The following AGBL1 variants were observed in gnomAD, a reference collection of about 807,000 sequenced individuals.
AGBL1 encodes the protein AGBL carboxypeptidase 1.
A neutral mutation model predicts 118.9 loss-of-function variants in AGBL1; 130 were observed. The observed-to-expected ratio is 1.09, with a 90% CI of 0.95 to 1.26. The LOEUF is 1.26. Ranked by LOEUF, AGBL1 falls within the 50% of genes most tolerant of loss-of-function variation. The pLI is 0.00. For synonymous variants in AGBL1, 555 were observed against 478.9 expected (o/e 1.16, Z -2.08); for missense variants, 1,584 against 1,298.1 (o/e 1.22, Z -3.38).
chr15:86,547,174 T>C (rs1213285260), intron 20 of AGBL1, among the ~76,000 whole-genome samples: 2 of 152,140 alleles, frequency 1.3e-5, no homozygotes, highest in African/African-American at 4.8e-5. Context: ...AGAGTAATGG[T>C]GATAAACCAT....
intron 16 of AGBL1, among the ~76,000 whole-genome samples, chr15:86,281,831 A>G (rs1321811854): frequency 6.6e-6 from 1 of 152,190 alleles, no homozygotes; most frequent in African/African-American, 2.4e-5. Flanking sequence ...CAGTCGTTTT[A>G]TGAGTCCATG....
At chr15:86,962,991 C>T (rs2081008988) in intron 23 of AGBL1, among the ~76,000 whole-genome samples, 1 of 152,072 alleles carries the variant, frequency 6.6e-6, no homozygotes, top group South Asian at 2.1e-4. Context: ...TTGCACTTAT[C>T]TTTTAAAACG....
At chr15:86,403,107 C>T (rs1227548875) in intron 18 of AGBL1, among the ~76,000 whole-genome samples, 1 of 152,082 alleles carries the variant, frequency 6.6e-6, no homozygotes, top group Non-Finnish European at 1.5e-5. Flanking sequence ...GGGGAGAAGA[C>T]AGGTGATTCC....
intron 18 of AGBL1, among the ~76,000 whole-genome samples, chr15:86,487,707 G>T (rs777499724): frequency 1.3e-5 from 2 of 151,972 alleles, no homozygotes; most frequent in Non-Finnish European, 2.9e-5. Flanking sequence ...GGAATCAACT[G>T]CATGATTAAT....
rs756003611 is a variant in AGBL1 at position 86,522,800 on chromosome 15, G to T, written c.2556-10G>T. ...ATGTGTATTTATTTGCTTATTATTT[G>T]TTCCTGTAGCCACAGATGCTCACTG... On this transcript the variant is annotated splice_polypyrimidine_tract_variant and intron_variant, in intron 18 of 22. Transcript: ENST00000614907. The T allele has an allele frequency of 7.9e-5, 127 of 1,612,372 alleles. No homozygotes were observed. The highest frequency in any genetic ancestry group is 9.9e-5 in the Non-Finnish European group (117 of 1,178,958).
chr15:86,105,860 C>A (rs12912576), intron 1 of AGBL1, among the ~76,000 whole-genome samples: 1 of 152,150 alleles, frequency 6.6e-6, no homozygotes, highest in South Asian at 2.1e-4. Flanking sequence ...GTCTGTGAAA[C>A]TGAGTTAGTT....
chr15:86,287,450 TC>T (rs2079472310), intron 16 of AGBL1, among the ~76,000 whole-genome samples: 1 of 152,182 alleles, frequency 6.6e-6, no homozygotes, highest in Non-Finnish European at 1.5e-5. Context: ...TGAAGGTTTT[TC>T]CTTATGTTTT....
intron 18 of AGBL1, among the ~76,000 whole-genome samples, chr15:86,461,015 T>C (rs967465264): frequency 6.6e-6 from 1 of 152,218 alleles, no homozygotes; most frequent in Non-Finnish European, 1.5e-5. Context: ...GATATGATCT[T>C]ATTTTCTTCT....
chr15:86,531,985 C>A (rs946988367), intron 19 of AGBL1, among the ~76,000 whole-genome samples: 4 of 151,542 alleles, frequency 2.6e-5, no homozygotes, highest in Non-Finnish European at 5.9e-5. Flanking sequence ...CTATCTATGA[C>A]AAACCCACAG....
intron 18 of AGBL1, among the ~76,000 whole-genome samples, chr15:86,419,286 G>A (rs2081750525): frequency 6.6e-6 from 1 of 152,070 alleles, no homozygotes; most frequent in Non-Finnish European, 1.5e-5. Flanking sequence ...CATTGGGACT[G>A]GTTAGAAAGT....
chr15:86,655,623 G>A (rs1296498217), intron 21 of AGBL1, among the ~76,000 whole-genome samples: 1 of 152,044 alleles, frequency 6.6e-6, no homozygotes, highest in Non-Finnish European at 1.5e-5. Flanking sequence ...CATATATGTT[G>A]ACAAAAAGAA....
chr15:86,916,598 G>T (rs1186259641), downstream of AGBL1, among the ~76,000 whole-genome samples: 1 of 152,228 alleles, frequency 6.6e-6, no homozygotes, highest in Non-Finnish European at 1.5e-5. Context: ...CAGAAGTTGA[G>T]AGTCCAAGGT....
In AGBL1 at chr15:86,688,492, C is replaced by A. The variant is rs868664128; in HGVS notation, c.3158+14056C>A. Among the ~76,000 whole-genome samples, 11 of 152,188 alleles carry A rather than the reference C, an allele frequency of 7.2e-5. 1 individual carries two copies. The Middle Eastern group carries it at 0.02, about 282-fold the overall frequency. On this transcript the variant is annotated intron_variant, in intron 22 of 22. Transcript: ENST00000614907. ...GGCTTATTTGCAAACTGAAGTTGAGCAAATATTGTTTTACTGTCCAAAACT... is the reference window on the plus strand; with the variant it reads ...GGCTTATTTGCAAACTGAAGTTGAGAAAATATTGTTTTACTGTCCAAAACT...
At chr15:86,234,863 G>A (rs1445675098) in intron 6 of AGBL1, among the ~76,000 whole-genome samples, 1 of 152,192 alleles carries the variant, frequency 6.6e-6, no homozygotes, top group African/African-American at 2.4e-5. Context: ...GAGGTTTCAG[G>A]AAGTGATGAT....
intron 5 of AGBL1, among the ~76,000 whole-genome samples, chr15:86,216,492 C>T (rs58811702): frequency 0.063 from 9,659 of 152,124 alleles, 450 homozygotes; most frequent in East Asian, 0.25. Context: ...TTATCAAATA[C>T]TTTTCCTGCG....
At chr15:86,184,452 T>C (rs1283006326) in intron 5 of AGBL1, among the ~76,000 whole-genome samples, 7 of 150,658 alleles carry the variant, frequency 4.6e-5, no homozygotes, top group Admixed American at 6.6e-5. Flanking sequence ...TTTTTTTGTC[T>C]CAAGAGGGCA....
At chr15:86,534,287 C>A (rs1467001928) in intron 19 of AGBL1, among the ~76,000 whole-genome samples, 1 of 152,144 alleles carries the variant, frequency 6.6e-6, no homozygotes, top group East Asian at 1.9e-4. Flanking sequence ...GAGTCATTTT[C>A]TCTCAGGGTT....
chr15:86,873,047 C>A (rs1286593925), intron 22 of AGBL1, among the ~76,000 whole-genome samples: 1 of 152,154 alleles, frequency 6.6e-6, no homozygotes, highest in Non-Finnish European at 1.5e-5. Flanking sequence ...TCTTTCAGCT[C>A]CAATTTGCTG....
intron 22 of AGBL1, among the ~76,000 whole-genome samples, chr15:86,697,860 T>C (rs1395650876): frequency 2.6e-5 from 4 of 151,982 alleles, no homozygotes; most frequent in Non-Finnish European, 5.9e-5. Context: ...ATTTCTCTTC[T>C]GGATCTAGCA....
Sources: gnomAD v4.1 joint callset for allele counts (sites outside exome capture counted in the v4.1 genomes callset) on GRCh38, gnomAD v4.1.1 for gene constraint, MANE v1.5 for transcripts, NCBI Gene and HGNC (gene_info 2026-07-23, HGNC 2026-07-21) for gene names.